Variants in CCDC30 observed in about 807,000 individuals in gnomAD.
CCDC30 encodes coiled-coil domain-containing protein 30.
CCDC30 carries 70 observed loss-of-function variants against 100.2 expected under a neutral mutation model. The ratio of observed to expected loss-of-function variants is 0.70; its 90% CI spans 0.58 to 0.85. CCDC30 has a LOEUF of 0.85. CCDC30 is among the 40% of genes least tolerant of loss of function. The probability of loss-of-function intolerance (pLI) is 0.00; values close to 1 mark genes in which losing one functional copy is unlikely to be tolerated. For synonymous variants in CCDC30, 233 were observed against 269.5 expected, an observed-to-expected ratio of 0.86 and a Z score of 1.33; for missense variants, 652 against 771.2, an observed-to-expected ratio of 0.85 and a Z score of 1.83.
chr1:42,497,018 C>T (rs1644242153), intron 4 of CCDC30, 80 bp from the exon 5 acceptor site: 1 of 650,864 alleles, frequency 1.5e-6, no homozygotes, highest in Non-Finnish European at 2.2e-6. Context: ...CTAAATAGCA[C>T]TTCCTTCGTT....
At chr1:42,457,847 C>G in the CCDC30 span, among the ~76,000 whole-genome samples, 2 of 150,994 alleles carry the variant, frequency 1.3e-5, no homozygotes, top group African/African-American at 4.9e-5. Flanking sequence ...CCCAGCTACT[C>G]GGGAGGCTGA....
chr1:42,536,373 C>T lies in CCDC30; in HGVS notation c.457-29923C>T, dbSNP rs1644904747. 2.9e-5 allele frequency: 20 copies of T among 692,860 alleles called. No homozygotes were observed. In the East Asian group the frequency reaches 5.7e-4, roughly 20 times the overall value. The allele number at this position is 692,860 out of a possible 1,614,324, so 42.9% of individuals were successfully genotyped here. On this transcript the variant is annotated intron_variant, in intron 6 of 16. Transcript: ENST00000668663. ...ACTAGTTTTCCTAGGTTCATAAATC[C>T]CCTGGATGATTTCATTATTGAGTTA... is the stretch of plus-strand genomic sequence containing the variant.
intron 11 of CCDC30, among the ~76,000 whole-genome samples, chr1:42,612,768 C>T (rs759351910): frequency 6.6e-5 from 10 of 152,108 alleles, no homozygotes; most frequent in Non-Finnish European, 1.2e-4. Flanking sequence ...GTATGCTTGA[C>T]CAACAGTCAG....
In CCDC30 at chr1:42,468,241, C is replaced by T. The variant is rs1643655139; in HGVS notation, c.-92+4343C>T. Among the ~76,000 whole-genome samples the T allele has an allele frequency of 2.0e-5, 3 of 152,224 alleles. No homozygotes were observed. The South Asian group carries it at 6.2e-4, about 31-fold the overall frequency. ...AAGTCAAAAATAAAACAATCTATAA[C>T]TGGTGGGGCAGCACCTTGAAATGGT... On this transcript the variant is annotated intron_variant, in intron 1 of 16. Coordinates refer to ENST00000668663, the Ensembl canonical transcript of CCDC30.
intron 10 of CCDC30, among the ~76,000 whole-genome samples, chr1:42,608,198 T>C (rs1310300867): frequency 6.6e-6 from 1 of 152,206 alleles, no homozygotes; most frequent in Non-Finnish European, 1.5e-5. Flanking sequence ...TCAGGGGTCA[T>C]AAGGCCCTTT....
intron 11 of CCDC30, among the ~76,000 whole-genome samples, chr1:42,621,732 C>G (rs377720075): frequency 6.6e-6 from 1 of 151,934 alleles, no homozygotes; most frequent in African/African-American, 2.4e-5. Context: ...AGGATGGTCG[C>G]GATCTCCTGA....
At chr1:42,511,390 T>C (rs1207256325) in intron 6 of CCDC30, among the ~76,000 whole-genome samples, 1 of 152,138 alleles carries the variant, frequency 6.6e-6, no homozygotes, top group East Asian at 1.9e-4. Context: ...GGAGAAAGGG[T>C]ACTAGATTGA....
At chr1:42,607,555 TAAAAAA>T (rs60204912) in intron 10 of CCDC30, among the ~76,000 whole-genome samples, 1 of 89,796 alleles carries the variant, frequency 1.1e-5, no homozygotes, top group African/African-American at 3.8e-5. Context: ...CTTGTCTCTA[TAAAAAA>T]AAAAAAAAAA....
chr1:42,653,933 G>C (rs1648561345), exon 17 of CCDC30: 4 of 1,613,952 alleles, frequency 2.5e-6, no homozygotes, highest in Admixed American at 1.7e-5. Context: ...TGAGAATCTT[G>C]TGTGTTCACA....
chr1:42,548,507 A>G (rs1347413042), intron 6 of CCDC30, among the ~76,000 whole-genome samples: 1 of 152,164 alleles, frequency 6.6e-6, no homozygotes, highest in Non-Finnish European at 1.5e-5. Flanking sequence ...GCTTTTTATC[A>G]GTAAAATGGA....
chr1:42,641,215 TTGTGTGTGTGTGTG>T (rs71065188), intron 12 of CCDC30, among the ~76,000 whole-genome samples: 3,793 of 132,428 alleles, frequency 0.029, 142 homozygotes, highest in African/African-American at 0.097. Flanking sequence ...CACATGGCTT[TTGTGTGTGTGTGTG>T]TGTGTGTGTG....
chr1:42,614,503 AG>A (rs1646687570), intron 11 of CCDC30, among the ~76,000 whole-genome samples: 1 of 151,742 alleles, frequency 6.6e-6, no homozygotes, highest in Non-Finnish European at 1.5e-5. Flanking sequence ...GATACAGAAC[AG>A]GGCCAGGCGC....
chr1:42,643,903 A>G (rs1018338410), intron 13 of CCDC30, among the ~76,000 whole-genome samples: 1 of 152,190 alleles, frequency 6.6e-6, no homozygotes, highest in Non-Finnish European at 1.5e-5. Context: ...AACCAGATGC[A>G]AGCTATGTAG....
chr1:42,551,813 G>C (rs2148544269), intron 6 of CCDC30, among the ~76,000 whole-genome samples: 1 of 151,304 alleles, frequency 6.6e-6, no homozygotes. Flanking sequence ...GGAGTGCAGT[G>C]GTGCCATCAC....
At chr1:42,518,689 G>A (rs376324997) in intron 6 of CCDC30, among the ~76,000 whole-genome samples, 7 of 152,256 alleles carry the variant, frequency 4.6e-5, no homozygotes, top group South Asian at 2.1e-4. Context: ...ATCACCTACC[G>A]ACACATTTCT....
At chr1:42,456,391 G>A in the CCDC30 span, 2 of 744,542 alleles carry the variant, frequency 2.7e-6, no homozygotes, top group Non-Finnish European at 4.2e-6. Flanking sequence ...ACTTTCGCTG[G>A]GCTCTGGGGC....
At chr1:42,595,848 G>A (rs1460872880) in intron 10 of CCDC30, among the ~76,000 whole-genome samples, 2 of 152,118 alleles carry the variant, frequency 1.3e-5, no homozygotes, top group Non-Finnish European at 2.9e-5. Flanking sequence ...CAGGCAAATG[G>A]GTGCTAGAAA....
chr1:42,509,387 C>T (rs1644443176), intron 6 of CCDC30, among the ~76,000 whole-genome samples: 1 of 152,204 alleles, frequency 6.6e-6, no homozygotes, highest in Admixed American at 6.5e-5. Context: ...CTAAACTGCT[C>T]TCAAGGTCAG....
intron 8 of CCDC30, among the ~76,000 whole-genome samples, chr1:42,579,638 A>G (rs113379441): frequency 1.3e-5 from 2 of 151,282 alleles, no homozygotes; most frequent in African/African-American, 4.9e-5. Flanking sequence ...CTGTCTCAAA[A>G]AGAGAGAGAG....
Sources: gnomAD v4.1 joint callset for allele counts (sites outside exome capture counted in the v4.1 genomes callset) on GRCh38, gnomAD v4.1.1 for gene constraint, MANE v1.5 for transcripts, NCBI Gene and HGNC (gene_info 2026-07-23, HGNC 2026-07-21) for gene names.